Variants in THSD4 observed in about 807,000 individuals in gnomAD.
THSD4 encodes thrombospondin type 1 domain containing 4.
A neutral mutation model predicts 119.0 loss-of-function variants in THSD4; 69 were observed. The ratio of observed to expected loss-of-function variants is 0.58; its 90% CI spans 0.48 to 0.71. The LOEUF (loss-of-function observed/expected upper bound fraction) is 0.71. Ranked by LOEUF, THSD4 falls within the 30% of genes least tolerant of loss-of-function variation. The probability of loss-of-function intolerance (pLI) is 0.00; values close to 1 mark genes in which losing one functional copy is unlikely to be tolerated. For synonymous variants in THSD4, 524 were observed against 540.4 expected, an observed-to-expected ratio of 0.97 and a Z score of 0.42; for missense variants, 1,393 against 1,391.1, an observed-to-expected ratio of 1.00 and a Z score of -0.02.
chr15:71,233,765 T>C (rs1382673173), intron 4 of THSD4, among the ~76,000 whole-genome samples: 1 of 152,228 alleles, frequency 6.6e-6, no homozygotes, highest in Non-Finnish European at 1.5e-5. Context: ...TATAACTAGA[T>C]GTGGTTCATG....
chr15:71,565,500 G>C (rs138024289), intron 7 of THSD4, among the ~76,000 whole-genome samples: 1 of 152,144 alleles, frequency 6.6e-6, no homozygotes, highest in Non-Finnish European at 1.5e-5. Flanking sequence ...TCAATTATGT[G>C]ATACAGACAA....
At chr15:71,686,892 C>CTG (rs1196972937) in intron 8 of THSD4, among the ~76,000 whole-genome samples, 1 of 152,190 alleles carries the variant, frequency 6.6e-6, no homozygotes, top group African/African-American at 2.4e-5. Flanking sequence ...GGCTCAGAGA[C>CTG]TGTGTTTTGG....
intron 7 of THSD4, among the ~76,000 whole-genome samples, chr15:71,526,734 C>T (rs960116941): frequency 6.6e-6 from 1 of 152,108 alleles, no homozygotes; most frequent in Non-Finnish European, 1.5e-5. Context: ...AGTGTGGTAG[C>T]TTATTGTGTA....
Position 71,778,937 on chromosome 15 carries a change from T to C in THSD4, c.*1563T>C, listed in dbSNP as rs1425640687. 1 of 152,272 alleles carries C rather than the reference T, an allele frequency of 6.6e-6. No individual in the cohort carries two copies. 9.4% of individuals were successfully genotyped at this position (152,272 alleles called of 1,614,324 possible). ...ATGGCAAGCTAAACAAATGTTAAAC[T>C]TACAGAAAATTTGTCTTATGGTCCT... is the stretch of plus-strand genomic sequence containing the variant. On this transcript the variant is annotated 3_prime_UTR_variant, in exon 18 of 18. Coordinates refer to ENST00000261862, the MANE Select transcript of THSD4 (RefSeq NM_024817.3).
chr15:71,440,984 TCTC>T (rs1238232818), intron 7 of THSD4, among the ~76,000 whole-genome samples: 5 of 152,188 alleles, frequency 3.3e-5, no homozygotes, highest in Non-Finnish European at 7.3e-5. Flanking sequence ...CTTTGGCTCT[TCTC>T]AGACCAGGAG....
intron 6 of THSD4, among the ~76,000 whole-genome samples, chr15:71,390,562 C>T (rs1018026182): frequency 2.0e-4 from 31 of 152,098 alleles, no homozygotes; most frequent in African/African-American, 3.6e-4. Flanking sequence ...CCTCCTTTGA[C>T]GTCTAGCCCT....
chr15:71,497,003 A>G (rs986293728), intron 7 of THSD4, among the ~76,000 whole-genome samples: 1 of 152,208 alleles, frequency 6.6e-6, no homozygotes, highest in Non-Finnish European at 1.5e-5. Flanking sequence ...AACACTGGGC[A>G]TGCTGCAGAC....
intron 7 of THSD4, among the ~76,000 whole-genome samples, chr15:71,528,442 T>G (rs1398028485): frequency 6.6e-6 from 1 of 152,166 alleles, no homozygotes; most frequent in East Asian, 1.9e-4. Context: ...TACGTGGACT[T>G]GGATAGCACT....
At chr15:71,335,735 T>C (rs2045482168) in intron 6 of THSD4, among the ~76,000 whole-genome samples, 1 of 152,160 alleles carries the variant, frequency 6.6e-6, no homozygotes, top group South Asian at 2.1e-4. Flanking sequence ...TCAACAGCTG[T>C]TTATCTTCCT....
chr15:71,648,974 C>T (rs185768900), intron 7 of THSD4, among the ~76,000 whole-genome samples: 7 of 152,254 alleles, frequency 4.6e-5, no homozygotes, highest in South Asian at 2.1e-4. Flanking sequence ...ATGTCACCTG[C>T]GGGTGTAATG....
At chr15:71,555,105 G>A (rs2048998284) in intron 7 of THSD4, among the ~76,000 whole-genome samples, 1 of 152,170 alleles carries the variant, frequency 6.6e-6, no homozygotes, top group African/African-American at 2.4e-5. Flanking sequence ...TTTGGGCCAG[G>A]TGCAGTGGCT....
chr15:71,548,151 G>A (rs1267881954), intron 7 of THSD4, among the ~76,000 whole-genome samples: 1 of 150,808 alleles, frequency 6.6e-6, no homozygotes, highest in Non-Finnish European at 1.5e-5. Context: ...TTTTGATGCA[G>A]GCAAAGAGAT....
At chr15:71,728,018 A>G (rs1472414288) in intron 8 of THSD4, among the ~76,000 whole-genome samples, 1 of 152,068 alleles carries the variant, frequency 6.6e-6, no homozygotes, top group Non-Finnish European at 1.5e-5. Flanking sequence ...TGTGAAGCCA[A>G]TGTTAACATG....
intron 7 of THSD4, among the ~76,000 whole-genome samples, chr15:71,477,717 T>G (rs1566999032): frequency 6.6e-6 from 1 of 152,152 alleles, no homozygotes; most frequent in African/African-American, 2.4e-5. Flanking sequence ...TCACCACCAG[T>G]GCAGCCCAGA....
At chr15:71,352,835 C>T (rs140387579) in intron 6 of THSD4, among the ~76,000 whole-genome samples, 1,635 of 152,270 alleles carry the variant, frequency 0.011, 14 homozygotes, top group Middle Eastern at 0.017. Context: ...GAAAGCTTAA[C>T]ATTTAAGCTG....
intron 7 of THSD4, among the ~76,000 whole-genome samples, chr15:71,476,030 T>G (rs1176702859): frequency 6.6e-6 from 1 of 152,232 alleles, no homozygotes; most frequent in African/African-American, 2.4e-5. Flanking sequence ...TAGGCAAGTT[T>G]ATTAATCTTC....
chr15:71,128,880 C>G (rs1165186334), intron 1 of THSD4, among the ~76,000 whole-genome samples: 2 of 152,154 alleles, frequency 1.3e-5, no homozygotes, highest in Non-Finnish European at 2.9e-5. Flanking sequence ...TATAGACAAC[C>G]TGGAAGTACA....
chr15:71,657,108 C>T (rs1373516562), intron 7 of THSD4, among the ~76,000 whole-genome samples: 2 of 152,170 alleles, frequency 1.3e-5, no homozygotes, highest in African/African-American at 4.8e-5. Flanking sequence ...CGACATAGAG[C>T]ATGCAAGCGT....
At chr15:71,561,897 C>A (rs368038478) in intron 7 of THSD4, among the ~76,000 whole-genome samples, 9,336 of 89,640 alleles carry the variant, frequency 0.1, 502 homozygotes, top group South Asian at 0.11. Flanking sequence ...CACACACACA[C>A]ACACACACAC....
Sources: allele counts gnomAD v4.1 joint callset (sites outside exome capture counted in the v4.1 genomes callset), GRCh38; gene constraint gnomAD v4.1.1; transcripts MANE v1.5; gene names NCBI Gene and HGNC (gene_info 2026-07-23, HGNC 2026-07-21).